The following KCNH1 variants were observed in gnomAD, a reference collection of about 807,000 sequenced individuals.
KCNH1 encodes potassium voltage-gated channel subfamily H member 1.
Under a neutral mutation model 69.2 loss-of-function variants are expected in KCNH1, and 27 were observed. The observed-to-expected ratio is 0.39, with a 90% CI of 0.29 to 0.54. The LOEUF (loss-of-function observed/expected upper bound fraction) is 0.54, where lower values mean the gene tolerates loss of function less well. Ranked by LOEUF, KCNH1 falls within the 20% of genes least tolerant of loss-of-function variation. The pLI is 0.68. For synonymous variants in KCNH1, 456 were observed against 487.7 expected (o/e 0.93, Z 0.86); for missense variants, 798 against 1,261.6 (o/e 0.63, Z 5.57).
chr1:210,751,663 G>C (rs1683287455), intron 10 of KCNH1, among the ~76,000 whole-genome samples: 2 of 152,066 alleles, frequency 1.3e-5, no homozygotes, highest in Non-Finnish European at 1.5e-5. Context: ...GAAGAGGGGG[G>C]CTGAAAATGT....
intron 7 of KCNH1, among the ~76,000 whole-genome samples, chr1:210,888,293 T>A (rs1188911109): frequency 6.6e-6 from 1 of 152,104 alleles, no homozygotes; most frequent in African/African-American, 2.4e-5. Flanking sequence ...CTGAACAACC[T>A]GCTCCTGAAT....
At chr1:210,815,977 C>A (rs750492879) in intron 7 of KCNH1, among the ~76,000 whole-genome samples, 7 of 152,192 alleles carry the variant, frequency 4.6e-5, no homozygotes, top group Non-Finnish European at 1.0e-4. Flanking sequence ...GACATCTGTG[C>A]TTCTTCCTCT....
At position 210,681,053 on chromosome 1, in the gene KCNH1, A is replaced by C. The variant is rs981759610; in HGVS notation, c.*2228T>G. 17 of 152,218 alleles carry C rather than the reference A, an allele frequency of 1.1e-4. No homozygotes were observed. Among genetic ancestry groups the C allele is most frequent in the Admixed American group, 6.5e-5 (1 of 15,284 alleles). The allele number at this position is 152,218 out of a possible 1,614,324, so 9.4% of individuals were successfully genotyped here. A position where few individuals can be genotyped will look rare whatever the true frequency, so the allele number is the denominator to read the frequency against. On this transcript the variant is annotated 3_prime_UTR_variant, in exon 11 of 11. Transcript: ENST00000271751. ...GTCCCTGGAGAGCTGAGAGGCAAAA[A>C]AGTGTCTCCAGTGGCAGGTTCTTCT... is the stretch of plus-strand genomic sequence containing the variant.
chr1:210,820,454 T>C, intron 7 of KCNH1, among the ~76,000 whole-genome samples: 1 of 151,890 alleles, frequency 6.6e-6, no homozygotes, highest in Non-Finnish European at 1.5e-5. Flanking sequence ...GCCAACATGG[T>C]GAAACCCTGT....
chr1:211,021,855 A>G (rs1689590941), intron 5 of KCNH1, among the ~76,000 whole-genome samples: 1 of 152,070 alleles, frequency 6.6e-6, no homozygotes. Flanking sequence ...ATGGAAAAGT[A>G]TTCATGGATT....
intron 6 of KCNH1, among the ~76,000 whole-genome samples, chr1:210,996,365 C>T (rs1044112743): frequency 6.6e-6 from 1 of 152,208 alleles, no homozygotes; most frequent in Non-Finnish European, 1.5e-5. Context: ...GGGTCCTACG[C>T]CCATGGAGTC....
intron 6 of KCNH1, among the ~76,000 whole-genome samples, chr1:211,012,705 A>C (rs1371105424): frequency 6.6e-6 from 1 of 152,208 alleles, no homozygotes; most frequent in African/African-American, 2.4e-5. Flanking sequence ...GATATGCATC[A>C]TTACACACTT....
rs115513343 is a variant in KCNH1, at chr1:211,101,163, G to C, written c.310+2333C>G. Reference sequence around the variant, plus strand: ...GTGGTGTCACCATCAAAGCCCTTATGGCTCTGTTCCGTGGATGCTGCCCGT... The same window carrying C: ...GTGGTGTCACCATCAAAGCCCTTATCGCTCTGTTCCGTGGATGCTGCCCGT... On this transcript the variant is annotated intron_variant, in intron 3 of 10. Coordinates refer to ENST00000271751, the MANE Select transcript of KCNH1 (RefSeq NM_172362.3). Among the ~76,000 whole-genome samples, 1,244 of 152,250 alleles carry C rather than the reference G, an allele frequency of 8.2e-3. 15 individuals carry two copies. The highest frequency in any genetic ancestry group is 0.028 in the African/African-American group (1,168 of 41,530).
At chr1:210,715,152 C>T (rs1682196080) in intron 10 of KCNH1, among the ~76,000 whole-genome samples, 1 of 152,198 alleles carries the variant, frequency 6.6e-6, no homozygotes, top group Non-Finnish European at 1.5e-5. Flanking sequence ...AAACCCCCAG[C>T]TATCTTCCAT....
intron 3 of KCNH1, among the ~76,000 whole-genome samples, chr1:211,099,304 TG>T (rs1390414328): frequency 6.6e-6 from 1 of 152,090 alleles, no homozygotes; most frequent in African/African-American, 2.4e-5. Flanking sequence ...GTCTGTTGGG[TG>T]TTTTTTTTTC....
At chr1:210,926,728 G>A (rs766238819) in intron 6 of KCNH1, among the ~76,000 whole-genome samples, 4 of 151,838 alleles carry the variant, frequency 2.6e-5, no homozygotes, top group African/African-American at 4.8e-5. Flanking sequence ...CCTATGAAAC[G>A]CCAGAAAAAG....
At chr1:211,067,529 T>C (rs534800532) in intron 5 of KCNH1, among the ~76,000 whole-genome samples, 8 of 152,364 alleles carry the variant, frequency 5.3e-5, no homozygotes, top group Non-Finnish European at 8.8e-5. Flanking sequence ...TGCCCAGTGC[T>C]GCTTCCTACC....
chr1:211,073,704 C>A (rs1490462329), intron 5 of KCNH1, among the ~76,000 whole-genome samples: 2 of 151,964 alleles, frequency 1.3e-5, no homozygotes, highest in South Asian at 2.1e-4. Context: ...TCGTGGCATG[C>A]AGCAAAAGCA....
At chr1:210,861,861 A>G (rs1685985259) in intron 7 of KCNH1, 1 of 761,882 alleles carries the variant, frequency 1.3e-6, no homozygotes, top group Admixed American at 1.8e-5. Flanking sequence ...TCCAACAAGC[A>G]CTGTTATCAC....
chr1:210,893,220 A>T (rs557001177), intron 7 of KCNH1, among the ~76,000 whole-genome samples: 2 of 152,116 alleles, frequency 1.3e-5, no homozygotes, highest in African/African-American at 4.8e-5. Context: ...CTTTTTTCAG[A>T]TTTTACATGT....
chr1:210,980,652 A>G (rs1446545707), intron 6 of KCNH1, among the ~76,000 whole-genome samples: 1 of 152,200 alleles, frequency 6.6e-6, no homozygotes, highest in Non-Finnish European at 1.5e-5. Context: ...CAAGGCTGAA[A>G]GAGATTCTGT....
intron 9 of KCNH1, among the ~76,000 whole-genome samples, chr1:210,779,386 GAC>G (rs1683929651): frequency 6.6e-6 from 1 of 152,162 alleles, no homozygotes. Context: ...ATGTTTTTAT[GAC>G]ACACATAACT....
intron 10 of KCNH1, among the ~76,000 whole-genome samples, chr1:210,692,815 A>G (rs1429100304): frequency 2.0e-5 from 3 of 152,208 alleles, no homozygotes; most frequent in Non-Finnish European, 4.4e-5. Flanking sequence ...AAACCTCCAG[A>G]AGGAACCAAG....
intron 4 of KCNH1, among the ~76,000 whole-genome samples, chr1:211,084,423 A>G (rs2102468415): frequency 6.6e-6 from 1 of 152,344 alleles, no homozygotes; most frequent in East Asian, 1.9e-4. Context: ...CTGTGAGAAC[A>G]GTGACGAGAG....
Sources: allele counts gnomAD v4.1 joint callset (sites outside exome capture counted in the v4.1 genomes callset), GRCh38; gene constraint gnomAD v4.1.1; transcripts MANE v1.5; gene names NCBI Gene and HGNC (gene_info 2026-07-23, HGNC 2026-07-21).